Variants in DOCK9 observed in about 807,000 individuals in gnomAD.
DOCK9 encodes dedicator of cytokinesis protein 9.
Under a neutral mutation model 263.3 loss-of-function variants are expected in DOCK9, and 89 were observed. The observed-to-expected ratio is 0.34, with a 90% confidence interval of 0.28 to 0.40. The LOEUF (loss-of-function observed/expected upper bound fraction) is 0.40, where lower values mean the gene tolerates loss of function less well. DOCK9 is among the 10% of genes least tolerant of loss of function. The pLI is 1.00. For synonymous variants in DOCK9, 976 were observed against 973.1 expected (o/e 1.00, Z -0.06); for missense variants, 2,140 against 2,603.4 (o/e 0.82, Z 3.87).
chr13:99,058,534 T>C (rs1199425553), intron 1 of DOCK9, among the ~76,000 whole-genome samples: 1 of 152,166 alleles, frequency 6.6e-6, no homozygotes, highest in East Asian at 1.9e-4. Context: ...ATGAGACATC[T>C]GCTTGTGTCA....
chr13:98,818,137 A>T (rs1169910931), intron 45 of DOCK9, among the ~76,000 whole-genome samples: 1 of 152,240 alleles, frequency 6.6e-6, no homozygotes, highest in African/African-American at 2.4e-5. Flanking sequence ...CACCTCTCAC[A>T]TAAGTAGAGT....
rs535935280 is a variant in DOCK9, at chr13:99,042,298, G to A, written c.129+43925C>T. Among the ~76,000 whole-genome samples the A allele has an allele frequency of 1.6e-4, 24 of 152,356 alleles. No homozygotes were observed. The South Asian group carries it at 5.0e-3, about 32-fold the overall frequency. On this transcript the variant is annotated intron_variant, in intron 1 of 32. Transcript: ENST00000427887. ...GCAAGATGTGGCAGGGCAGCATGTT[G>A]TGAGGTTCCTATGAATCTGGTCTTT...
At chr13:99,062,223 A>C (rs535737036) in intron 1 of DOCK9, among the ~76,000 whole-genome samples, 1 of 152,326 alleles carries the variant, frequency 6.6e-6, no homozygotes, top group Non-Finnish European at 1.5e-5. Flanking sequence ...GCATCTGACA[A>C]GCCAACTTCT....
upstream of DOCK9, among the ~76,000 whole-genome samples, chr13:99,087,051 C>T (rs1027371399): frequency 3.3e-5 from 5 of 152,214 alleles, no homozygotes; most frequent in Non-Finnish European, 7.4e-5. Context: ...ACCACGCCCC[C>T]CCTCTGCGCC....
chr13:99,006,009 T>C (rs1165943744), intron 1 of DOCK9, among the ~76,000 whole-genome samples: 1 of 152,194 alleles, frequency 6.6e-6, no homozygotes, highest in Non-Finnish European at 1.5e-5. Flanking sequence ...CAAGAATTTC[T>C]AAGCATAAAG....
At chr13:98,956,228 G>A (rs183231789) in intron 1 of DOCK9, among the ~76,000 whole-genome samples, 2 of 152,156 alleles carry the variant, frequency 1.3e-5, no homozygotes, top group East Asian at 1.9e-4. Context: ...AAGAGGTAAC[G>A]AGTAAGTAGG....
intron 30 of DOCK9, 90 bp from the exon 31 acceptor site, chr13:98,863,638 C>A: frequency 2.2e-6 from 3 of 1,372,244 alleles, no homozygotes; most frequent in Non-Finnish European, 3.0e-6. Context: ...AAAACTAAGA[C>A]CCATCCTCTG....
chr13:98,975,240 A>C (rs1340627012), intron 1 of DOCK9, among the ~76,000 whole-genome samples: 3 of 151,942 alleles, frequency 2.0e-5, no homozygotes, highest in African/African-American at 7.3e-5. Flanking sequence ...TTAGCTGGGC[A>C]TGGTGGCGGG....
chr13:99,040,440 A>C (rs887703208), intron 1 of DOCK9, among the ~76,000 whole-genome samples: 1 of 152,234 alleles, frequency 6.6e-6, no homozygotes, highest in Non-Finnish European at 1.5e-5. Flanking sequence ...AAAAAACAAA[A>C]AAAATCCTGA....
At chr13:98,984,405 G>T (rs1183757165) in intron 1 of DOCK9, among the ~76,000 whole-genome samples, 1 of 152,116 alleles carries the variant, frequency 6.6e-6, no homozygotes, top group Non-Finnish European at 1.5e-5. Context: ...TGGACAACTC[G>T]AATTCAATAG....
Position 98,809,367 on chromosome 13 carries a change from T to G in DOCK9, c.5352A>C (p.Val1784=). The change falls in exon 47 of 53, where the codon GTA becomes GTC. Residue 1784 remains valine, a synonymous_variant. Transcript: ENST00000682017. ...GGAGGCTCACCTGCCCGAAGAAGGCTACCCGGAAGTAGGTCCCCAGAAGCC... is the reference window on the plus strand; with the variant it reads ...GGAGGCTCACCTGCCCGAAGAAGGCGACCCGGAAGTAGGTCCCCAGAAGCC... ...GRRLLGTYFR[V]AFFGQGFFED... 1 of 1,613,842 alleles carries G rather than the reference T, an allele frequency of 6.2e-7. No homozygotes were observed. The highest frequency in any genetic ancestry group is 8.5e-7 in the Non-Finnish European group (1 of 1,179,880).
chr13:99,066,860 T>C (rs1359024903), intron 1 of DOCK9, among the ~76,000 whole-genome samples: 1 of 152,196 alleles, frequency 6.6e-6, no homozygotes, highest in Non-Finnish European at 1.5e-5. Flanking sequence ...TGTATCTCAT[T>C]CATGGTAATT....
At chr13:98,816,749 C>T (rs918080972) in intron 45 of DOCK9, among the ~76,000 whole-genome samples, 2 of 151,230 alleles carry the variant, frequency 1.3e-5, no homozygotes, top group African/African-American at 4.9e-5. Flanking sequence ...GGTGGGAATA[C>T]GAAGGAAAAG....
chr13:98,897,647 C>A, intron 14 of DOCK9, 37 bp from the exon 15 acceptor site: 2 of 1,606,000 alleles, frequency 1.2e-6, no homozygotes, highest in South Asian at 1.1e-5. Flanking sequence ...ACTGGGTTTC[C>A]AAAACACCAA....
In DOCK9 at chr13:98,832,203, G is replaced by A. The variant is rs200849465; in HGVS notation, c.4315-417C>T. On this transcript the variant is annotated intron_variant, in intron 39 of 52. Transcript: ENST00000682017. ...AGTAAGGTATATGAAACAGGTCTTC[G>A]AAAAGGGAAAAGTGATCTCCCCAGG... The A allele has an allele frequency of 5.9e-5, 10 of 169,496 alleles. No homozygotes were observed. The East Asian group carries it at 6.4e-4, about 11-fold the overall frequency. 10.5% of individuals were successfully genotyped at this position (169,496 alleles called of 1,614,324 possible).
chr13:99,045,936 CAAA>C (rs35637605), intron 1 of DOCK9, among the ~76,000 whole-genome samples: 1 of 138,236 alleles, frequency 7.2e-6, no homozygotes, highest in Non-Finnish European at 1.6e-5. Context: ...ACTAAAAATA[CAAA>C]AAAAAAAAAA....
At chr13:98,976,143 G>A (rs61566451) in intron 1 of DOCK9, among the ~76,000 whole-genome samples, 1 of 152,168 alleles carries the variant, frequency 6.6e-6, no homozygotes, top group African/African-American at 2.4e-5. Context: ...ATCACTGTTG[G>A]CTTCCTCACT....
Position 98,860,633 on chromosome 13 carries a change from C to T in DOCK9, c.3580-111G>A, listed in dbSNP as rs542426418. The T allele has an allele frequency of 2.0e-4, 161 of 792,752 alleles. No individual in the cohort carries two copies. The African/African-American group carries it at 2.5e-3, about 12-fold the overall frequency. The allele number at this position is 792,752 out of a possible 1,614,324, so 49.1% of individuals were successfully genotyped here. Reference sequence around the variant, plus strand: ...GACCAAGACAGCCTGATGCATTCAACGTGCCTGCCTGCATGGGAGGAGTAG... The same window carrying T: ...GACCAAGACAGCCTGATGCATTCAATGTGCCTGCCTGCATGGGAGGAGTAG... On this transcript the variant is annotated intron_variant, in intron 32 of 52. Transcript: ENST00000682017.
intron 27 of DOCK9, among the ~76,000 whole-genome samples, chr13:98,873,895 C>A (rs775624809): frequency 2.9e-4 from 44 of 152,222 alleles, no homozygotes; most frequent in Non-Finnish European, 5.6e-4. Flanking sequence ...TAAACCAAGC[C>A]CTCTACTCTA....
Sources: allele counts gnomAD v4.1 joint callset (sites outside exome capture counted in the v4.1 genomes callset), GRCh38; gene constraint gnomAD v4.1.1; transcripts MANE v1.5; gene names NCBI Gene and HGNC (gene_info 2026-07-23, HGNC 2026-07-21).